FSBP: variants seen among roughly 807,000 people sequenced by gnomAD.
FSBP encodes fibrinogen silencer binding protein.
Under a neutral mutation model 24.6 loss-of-function variants are expected in FSBP, and 18 were observed. That is an observed-to-expected ratio of 0.73 (90% CI 0.51 to 1.08). The LOEUF (loss-of-function observed/expected upper bound fraction) is 1.08. FSBP is among the 50% of genes least tolerant of loss of function. The pLI is 0.00. For missense variants in FSBP, 305 were observed against 347.6 expected (o/e 0.88, Z 0.98); for synonymous variants, 110 against 125.8 (o/e 0.87, Z 0.84).
Position 94,429,024 on chromosome 8 carries a change from G to T in FSBP, c.*3107C>A. The T allele has an allele frequency of 1.0e-6, 1 of 983,668 alleles. No homozygotes were observed. Among genetic ancestry groups the T allele is most frequent in the Non-Finnish European group, 1.2e-6 (1 of 828,388 alleles). 60.9% of individuals were successfully genotyped at this position (983,668 alleles called of 1,614,324 possible). Reference sequence around the variant, plus strand: ...TATACAAGGGGAGGTAGACAATGAGGAGAATTATATGCATTTAAACTTTTG... The same window carrying T: ...TATACAAGGGGAGGTAGACAATGAGTAGAATTATATGCATTTAAACTTTTG... On this transcript the variant is annotated 3_prime_UTR_variant, in exon 2 of 2. Transcript: ENST00000481490.
At chr8:94,435,092 T>C (rs1011540036) in intron 1 of FSBP, among the ~76,000 whole-genome samples, 5 of 152,164 alleles carry the variant, frequency 3.3e-5, no homozygotes, top group Admixed American at 1.3e-4. Context: ...ATACCTGCGA[T>C]GCAAAAAACA....
chr8:94,428,662 T>C lies in FSBP; in HGVS notation c.*3469A>G. The C allele has an allele frequency of 1.3e-6, 1 of 779,476 alleles. No individual in the cohort carries two copies. Among genetic ancestry groups the C allele is most frequent in the Non-Finnish European group, 1.6e-6 (1 of 642,232 alleles). 48.3% of individuals were successfully genotyped at this position (779,476 alleles called of 1,614,324 possible). ...TTATTGTTGTACTGTTATTTATTTT[T>C]CTGCCTGAATATTTTCAATCCACAG... is the stretch of plus-strand genomic sequence containing the variant. On this transcript the variant is annotated 3_prime_UTR_variant, in exon 2 of 2. Transcript: ENST00000481490.
chr8:94,430,807 T>C lies in FSBP; in HGVS notation c.*1324A>G. On this transcript the variant is annotated 3_prime_UTR_variant, in exon 2 of 2. Coordinates refer to ENST00000481490, the MANE Select transcript of FSBP (RefSeq NM_001256141.2). ...TTATCCCCGCATGTGAAAATTCTGC[T>C]GGAGCTAAACAGCAGCTACCCTACC... 1.0e-6 allele frequency: 1 copy of C among 985,468 alleles called. No homozygotes were observed. The highest frequency in any genetic ancestry group is 1.2e-6 in the Non-Finnish European group (1 of 829,930). 61.0% of individuals were successfully genotyped at this position (985,468 alleles called of 1,614,324 possible).
At position 94,428,950 on chromosome 8, in the gene FSBP, A is replaced by T; in HGVS notation, c.*3181T>A. 8.1e-6 allele frequency: 8 copies of T among 983,230 alleles called. No individual in the cohort carries two copies. The highest frequency in any genetic ancestry group is 8.5e-6 in the Non-Finnish European group (7 of 827,944). The allele number at this position is 983,230 out of a possible 1,614,324, so 60.9% of individuals were successfully genotyped here. On this transcript the variant is annotated 3_prime_UTR_variant, in exon 2 of 2. Coordinates refer to ENST00000481490, the MANE Select transcript of FSBP (RefSeq NM_001256141.2). ...AAAGGATTCTATGGTCAAATAAATA[A>T]TTTTCTTTATACAGGAATTCTCATA... is the stretch of plus-strand genomic sequence containing the variant.
intron 1 of FSBP, 118 bp downstream of exon 1, chr8:94,436,377 A>G: frequency 7.8e-7 from 1 of 1,275,718 alleles, no homozygotes; most frequent in East Asian, 2.6e-5. Context: ...AAACAAAGAC[A>G]CTATTCATTG....
chr8:94,430,348 T>G lies in FSBP; in HGVS notation c.*1783A>C. On this transcript the variant is annotated 3_prime_UTR_variant, in exon 2 of 2. Transcript: ENST00000481490. ...AAAAAGTATTTAATGTAATTCATAA[T>G]CTGGTATCAACCATCATCCAAATTT... 2.1e-6 allele frequency: 2 copies of G among 974,238 alleles called. No individual in the cohort carries two copies. The allele number at this position is 974,238 out of a possible 1,614,324, so 60.3% of individuals were successfully genotyped here.
chr8:94,434,882 A>G (rs1289155765), intron 1 of FSBP, among the ~76,000 whole-genome samples: 1 of 151,518 alleles, frequency 6.6e-6, no homozygotes, highest in East Asian at 1.9e-4. Flanking sequence ...TTCATATCCC[A>G]AAAGATTTTT....
rs978559543 is a variant in FSBP at position 94,436,892 on chromosome 8, A to G, written c.-24T>C. On this transcript the variant is annotated 5_prime_UTR_variant, in exon 1 of 2. Coordinates refer to ENST00000481490, the MANE Select transcript of FSBP (RefSeq NM_001256141.2). ...ATTGTTCTTTTCAAATTAAGTAGGC[A>G]GTTTCTGAAACCACCATGCAGCCTT... 2 of 1,490,170 alleles carry G rather than the reference A, an allele frequency of 1.3e-6. No homozygotes were observed. The highest frequency in any genetic ancestry group is 2.8e-5 in the African/African-American group (2 of 70,868). 92.3% of individuals were successfully genotyped at this position (1,490,170 alleles called of 1,614,324 possible).
In FSBP at chr8:94,432,204, CTTAG is replaced by C; in HGVS notation, c.823_826del (p.Leu275GlufsTer9). ...CAGCTTCTCCACTTCAATTTTTGCT[CTTAG>C]TAGCTCTTCCTCTAGCTGCTGCCTT... On this transcript the variant is annotated frameshift_variant, in exon 2 of 2. Transcript: ENST00000481490. LOFTEE classifies it high-confidence loss of function. 2 of 1,550,284 alleles carry C rather than the reference CTTAG, an allele frequency of 1.3e-6. No homozygotes were observed. Among genetic ancestry groups the C allele is most frequent in the Non-Finnish European group, 1.7e-6 (2 of 1,146,850 alleles).
chr8:94,432,137 A>G lies in FSBP; in HGVS notation c.894T>C (p.Ser298=). 6.6e-7 allele frequency: 1 copy of G among 1,522,010 alleles called. No individual in the cohort carries two copies. Among genetic ancestry groups the G allele is most frequent in the Non-Finnish European group, 8.8e-7 (1 of 1,136,536 alleles). The allele number at this position is 1,522,010 out of a possible 1,614,324, so 94.3% of individuals were successfully genotyped here. The change falls in exon 2 of 2, where the codon AGT becomes AGC. Residue 298 remains serine, a synonymous_variant. Coordinates refer to ENST00000481490, the MANE Select transcript of FSBP (RefSeq NM_001256141.2). ...GCAAGATTGAAAAAAAAACTTAGAG[A>G]CTGTTATATTCAGGTAGATCATGCC... ...RLRHDLPEYN[S]L is the part of the protein sequence containing the mutation.
intron 1 of FSBP, among the ~76,000 whole-genome samples, chr8:94,434,685 A>G (rs1380884760): frequency 1.3e-5 from 2 of 151,832 alleles, no homozygotes; most frequent in Non-Finnish European, 3.0e-5. Flanking sequence ...TCAAATAAAT[A>G]TAAGCACATT....
chr8:94,432,277 T>G lies in FSBP; in HGVS notation c.754A>C (p.Asn252His), dbSNP rs1228041268. The G allele has an allele frequency of 3.9e-6, 6 of 1,550,316 alleles. No individual in the cohort carries two copies. In the South Asian group the frequency reaches 7.1e-5, roughly 18 times the overall value. ...TTCTCCTGAACATACAATCCAAAAT[T>G]TTTTTGATTTTCTAAAATTATCTGA... ...EHQIILENQK[N>H]FGLYVQEKRD... is the part of the protein sequence containing the mutation. The change falls in exon 2 of 2, where the codon AAT (asparagine) becomes CAT (histidine). Residue 252 changes from asparagine (N) to histidine (H), a missense_variant. Asn to His is a moderately conservative substitution (Grantham distance 68). Transcript: ENST00000481490.
chr8:94,431,157 G>C lies in FSBP; in HGVS notation c.*974C>G, dbSNP rs548001243. 15 of 917,448 alleles carry C rather than the reference G, an allele frequency of 1.6e-5. No homozygotes were observed. The East Asian group carries it at 1.5e-3, about 94-fold the overall frequency. The allele number at this position is 917,448 out of a possible 1,614,324, so 56.8% of individuals were successfully genotyped here. On this transcript the variant is annotated 3_prime_UTR_variant, in exon 2 of 2. Transcript: ENST00000481490. ...TTAATATGTATGCTTTAAGAATTGA[G>C]GTTTTATTTCCATGAATACTAAAAT... is the stretch of plus-strand genomic sequence containing the variant.
At chr8:94,433,441 T>TG (rs1812169813) in intron 1 of FSBP, among the ~76,000 whole-genome samples, 1 of 151,878 alleles carries the variant, frequency 6.6e-6, no homozygotes, top group Non-Finnish European at 1.5e-5. Context: ...GTTGAATGAC[T>TG]GAAAAAAAAC....
chr8:94,432,071 C>T lies in FSBP; in HGVS notation c.*60G>A, dbSNP rs2130104325. On this transcript the variant is annotated 3_prime_UTR_variant, in exon 2 of 2. Coordinates refer to ENST00000481490, the MANE Select transcript of FSBP (RefSeq NM_001256141.2). The stretch of plus-strand genomic sequence containing the variant: ...ACGTGTATTCTGTTTCAGGATATTC[C>T]CAAATTAAAGTAATTTGGCCAAAAT... 1 of 1,477,386 alleles carries T rather than the reference C, an allele frequency of 6.8e-7. No individual in the cohort carries two copies. Among genetic ancestry groups the T allele is most frequent in the East Asian group, 2.5e-5 (1 of 40,406 alleles). 91.5% of individuals were successfully genotyped at this position (1,477,386 alleles called of 1,614,324 possible).
chr8:94,432,747 T>C, intron 1 of FSBP, 91 bp from the exon 2 acceptor site: 4 of 1,348,914 alleles, frequency 3.0e-6, no homozygotes, highest in Non-Finnish European at 3.8e-6. Flanking sequence ...GTACATTAAA[T>C]GATAAAGCTT....
At chr8:94,435,803 C>G (rs1443991259) in intron 1 of FSBP, among the ~76,000 whole-genome samples, 1 of 151,858 alleles carries the variant, frequency 6.6e-6, no homozygotes, top group African/African-American at 2.4e-5. Context: ...CCTATACGAC[C>G]CAAGATCAAA....
At position 94,431,914 on chromosome 8, in the gene FSBP, A is replaced by G. The variant is rs1812105743; in HGVS notation, c.*217T>C. Reference sequence around the variant, plus strand: ...TAAGGTCAACAATTAAACTTAGGGAAAAAAAAAAGAAGACAATAAAAACTA... The same window carrying G: ...TAAGGTCAACAATTAAACTTAGGGAGAAAAAAAAGAAGACAATAAAAACTA... On this transcript the variant is annotated 3_prime_UTR_variant, in exon 2 of 2. Transcript: ENST00000481490. The G allele has an allele frequency of 3.3e-6, 4 of 1,209,224 alleles. No homozygotes were observed. Among genetic ancestry groups the G allele is most frequent in the Non-Finnish European group, 3.1e-6 (3 of 962,470 alleles). 74.9% of individuals were successfully genotyped at this position (1,209,224 alleles called of 1,614,324 possible). A position where few individuals can be genotyped will look rare whatever the true frequency, so the allele number is the denominator to read the frequency against.
rs775317865 is a variant in FSBP at position 94,432,395 on chromosome 8, C to A, written c.636G>T (p.Arg212Ser). 5.8e-6 allele frequency: 9 copies of A among 1,550,426 alleles called. No homozygotes were observed. In the South Asian group the frequency reaches 1.1e-4, roughly 18 times the overall value. ...RMTSSPSSIP[R>S]RDDFFRHESG... Reference sequence around the variant, plus strand: ...TCTCATGCCGAAAAAAATCATCTCTCCTTGGAATAGAAGATGGAGACGATG... The same window carrying A: ...TCTCATGCCGAAAAAAATCATCTCTACTTGGAATAGAAGATGGAGACGATG... Residue 212 changes from arginine (R) to serine (S), a missense_variant, in exon 2 of 2, where the codon AGG becomes AGT. Arg to Ser is a moderately radical substitution (Grantham distance 110). Transcript: ENST00000481490.
Sources: allele counts gnomAD v4.1 joint callset (sites outside exome capture counted in the v4.1 genomes callset), GRCh38; gene constraint gnomAD v4.1.1; transcripts MANE v1.5; gene names NCBI Gene and HGNC (gene_info 2026-07-23, HGNC 2026-07-21).